Variants in PLEK2 observed in about 807,000 individuals in gnomAD.
PLEK2 encodes pleckstrin-2.
A neutral mutation model predicts 43.8 loss-of-function variants in PLEK2; 29 were observed. The observed-to-expected ratio is 0.66, with a 90% CI of 0.49 to 0.90. The LOEUF is 0.90. PLEK2 is among the 40% of genes least tolerant of loss of function. PLEK2 has a pLI of 0.00. For synonymous variants in PLEK2, 162 were observed against 173.2 expected (o/e 0.94, Z 0.51); for missense variants, 398 against 448.1 (o/e 0.89, Z 1.01).
chr14:67,388,100 C>T, intron 8 of PLEK2, 124 bp downstream of exon 8: 1 of 620,102 alleles, frequency 1.6e-6, no homozygotes, highest in Non-Finnish European at 2.9e-6. Context: ...AAACTCACAC[C>T]ACTCTGTCTC....
intron 1 of PLEK2, among the ~76,000 whole-genome samples, chr14:67,404,705 G>T (rs1048624800): frequency 6.6e-6 from 1 of 151,988 alleles, no homozygotes; most frequent in Non-Finnish European, 1.5e-5. Flanking sequence ...AGCCACTCAG[G>T]AGGCTGAGGT....
intron 8 of PLEK2, among the ~76,000 whole-genome samples, chr14:67,388,009 G>A (rs1240402223): frequency 1.3e-5 from 2 of 152,220 alleles, no homozygotes; most frequent in African/African-American, 4.8e-5. Context: ...TGAGGGGAAA[G>A]ATTATTAACA....
chr14:67,402,929 A>G (rs1444902382), intron 1 of PLEK2, among the ~76,000 whole-genome samples: 5 of 152,186 alleles, frequency 3.3e-5, no homozygotes, highest in African/African-American at 1.2e-4. Flanking sequence ...TCTTTTGGGT[A>G]TATACCCAGC....
chr14:67,396,236 C>G (rs1468860110), intron 2 of PLEK2, among the ~76,000 whole-genome samples: 2 of 151,960 alleles, frequency 1.3e-5, no homozygotes, highest in African/African-American at 4.8e-5. Flanking sequence ...CAAACTCCGG[C>G]TCCCAGGTTC....
intron 3 of PLEK2, among the ~76,000 whole-genome samples, chr14:67,394,916 C>G (rs1001372653): frequency 2.6e-5 from 4 of 152,140 alleles, no homozygotes; most frequent in African/African-American, 9.7e-5. Context: ...CTGTGTGATG[C>G]CCTGCACTGC....
At chr14:67,393,732 G>A (rs1037138481) in intron 3 of PLEK2, among the ~76,000 whole-genome samples, 1 of 152,112 alleles carries the variant, frequency 6.6e-6, no homozygotes, top group South Asian at 2.1e-4. Context: ...GGGATTACAG[G>A]TGTGAGCCAC....
intron 3 of PLEK2, among the ~76,000 whole-genome samples, chr14:67,394,341 A>G (rs893163363): frequency 3.3e-5 from 5 of 151,998 alleles, no homozygotes; most frequent in African/African-American, 1.2e-4. Flanking sequence ...GGCTGCAGTG[A>G]GCCATGATCG....
chr14:67,393,394 T>C (rs1447489485), intron 3 of PLEK2, among the ~76,000 whole-genome samples, 153 bp from the exon 4 acceptor site: 1 of 152,174 alleles, frequency 6.6e-6, no homozygotes, highest in Admixed American at 6.5e-5. Flanking sequence ...GCCTTTTGAA[T>C]GGCAAGAGTG....
At chr14:67,387,670 A>G (rs1465317987) in intron 8 of PLEK2, among the ~76,000 whole-genome samples, 2 of 152,198 alleles carry the variant, frequency 1.3e-5, no homozygotes, top group Non-Finnish European at 2.9e-5. Context: ...TCCAATGGTT[A>G]TGTCTGGATA....
chr14:67,409,921 C>T (rs1220020543), intron 1 of PLEK2, among the ~76,000 whole-genome samples: 2 of 152,144 alleles, frequency 1.3e-5, no homozygotes, highest in East Asian at 3.9e-4. Flanking sequence ...CAGACTGGGA[C>T]CACAACAGGG....
At chr14:67,395,322 C>A (rs577829383) in intron 3 of PLEK2, 80 bp downstream of exon 3, 2 of 1,260,396 alleles carry the variant, frequency 1.6e-6, no homozygotes, top group South Asian at 2.6e-5. Flanking sequence ...AGCACAGAGC[C>A]CCCCCAAGGG....
intron 3 of PLEK2, 77 bp downstream of exon 3, chr14:67,395,325 C>T (rs895707599): frequency 4.5e-6 from 6 of 1,347,096 alleles, no homozygotes; most frequent in Non-Finnish European, 5.2e-6. Flanking sequence ...ACAGAGCCCC[C>T]CCAAGGGGCA....
At chr14:67,390,862 T>A in intron 6 of PLEK2, 116 bp from the exon 7 acceptor site, 1 of 782,744 alleles carries the variant, frequency 1.3e-6, no homozygotes, top group Non-Finnish European at 2.3e-6. Flanking sequence ...TGGGACTACA[T>A]TCTAAAACCA....
chr14:67,401,047 C>T (rs1455530221), intron 1 of PLEK2, among the ~76,000 whole-genome samples: 3 of 151,976 alleles, frequency 2.0e-5, no homozygotes, highest in Admixed American at 6.6e-5. Flanking sequence ...GTCTGTGTGC[C>T]TCCAAAATTC....
At chr14:67,411,338 A>G (rs1359162299) in intron 1 of PLEK2, among the ~76,000 whole-genome samples, 1 of 152,034 alleles carries the variant, frequency 6.6e-6, no homozygotes, top group Non-Finnish European at 1.5e-5. Flanking sequence ...TGTCCCAGCT[A>G]TTACTGGCTC....
intron 1 of PLEK2, among the ~76,000 whole-genome samples, chr14:67,409,069 T>TA (rs977017810): frequency 1.2e-4 from 17 of 138,900 alleles, no homozygotes; most frequent in Middle Eastern, 4.1e-3. Context: ...AAAAAAGAAA[T>TA]AAAAAAAAAG....
intron 3 of PLEK2, among the ~76,000 whole-genome samples, chr14:67,394,009 A>T (rs1488120953): frequency 6.6e-6 from 1 of 152,108 alleles, no homozygotes; most frequent in African/African-American, 2.4e-5. Flanking sequence ...CCTCTTTGTG[A>T]GAAACTGGAA....
At chr14:67,398,705 TGCCACCACACCCG>T (rs1329780297) in intron 1 of PLEK2, among the ~76,000 whole-genome samples, 1 of 152,148 alleles carries the variant, frequency 6.6e-6, no homozygotes, top group African/African-American at 2.4e-5. Flanking sequence ...TACAAGCGTG[TGCCACCACACCCG>T]GCTAATTTTT....
At chr14:67,391,977 A>G (rs2085972332) in intron 6 of PLEK2, among the ~76,000 whole-genome samples, 1 of 150,768 alleles carries the variant, frequency 6.6e-6, no homozygotes. Flanking sequence ...AAGGAACAGA[A>G]GGCCAGCAAA....
Sources: gnomAD v4.1 joint callset for allele counts (sites outside exome capture counted in the v4.1 genomes callset) on GRCh38, gnomAD v4.1.1 for gene constraint, MANE v1.5 for transcripts, NCBI Gene and HGNC (gene_info 2026-07-23, HGNC 2026-07-21) for gene names.